Variants in NSFL1C observed in about 807,000 individuals in gnomAD.
NSFL1C encodes the protein NSFL1 cofactor p47.
A neutral mutation model predicts 43.1 loss-of-function variants in NSFL1C; 14 were observed. The ratio of observed to expected loss-of-function variants is 0.32; its 90% CI spans 0.21 to 0.51. The LOEUF is 0.51. Ranked by LOEUF, NSFL1C falls within the 20% of genes least tolerant of loss-of-function variation. The pLI, the probability that NSFL1C is intolerant of heterozygous loss-of-function variation, is 0.98. For synonymous variants in NSFL1C, 171 were observed against 183.5 expected (o/e 0.93, Z 0.55); for missense variants, 406 against 472.5 (o/e 0.86, Z 1.30).
intron 7 of NSFL1C, among the ~76,000 whole-genome samples, chr20:1,451,192 A>G (rs1049684029): frequency 1.3e-5 from 2 of 152,198 alleles, no homozygotes; most frequent in Admixed American, 1.3e-4. Context: ...CCCTTGATGC[A>G]GTAGATGAAA....
chr20:1,455,235 T>C (rs2090273378), intron 3 of NSFL1C, 103 bp from the exon 4 acceptor site: 1 of 1,318,216 alleles, frequency 7.6e-7, no homozygotes, highest in African/African-American at 1.4e-5. Flanking sequence ...GTACAATGCT[T>C]GTCTTTAAAG....
chr20:1,465,578 G>C (rs1391289474), intron 1 of NSFL1C, among the ~76,000 whole-genome samples: 1 of 152,156 alleles, frequency 6.6e-6, no homozygotes, highest in East Asian at 1.9e-4. Flanking sequence ...CTTATGTTTG[G>C]GGAGTAATTT....
chr20:1,462,527 C>CTT (rs5839910), intron 2 of NSFL1C, among the ~76,000 whole-genome samples: 18 of 145,292 alleles, frequency 1.2e-4, no homozygotes, highest in East Asian at 2.0e-4. Context: ...ACTTTTATGC[C>CTT]TTTTTTTTTT....
Position 1,455,079 on chromosome 20 carries a change from C to T in NSFL1C, c.332G>A (p.Arg111Lys), listed in dbSNP as rs1054024514. Reference sequence around the variant, plus strand: ...CACCAGCTCGTTGGGACTTTTCTTCCTGGGAGGGCCAACAATCTGCTGTCC... The same window carrying T: ...CACCAGCTCGTTGGGACTTTTCTTCTTGGGAGGGCCAACAATCTGCTGTCC... ...RSGQQIVGPP[R>K]KKSPNELVDD... Residue 111 changes from arginine to lysine, a missense_variant, in exon 4 of 9, where the codon AGG (arginine) becomes AAG (lysine). Transcript: ENST00000216879. 4 of 1,614,046 alleles carry T rather than the reference C, an allele frequency of 2.5e-6. No homozygotes were observed. The highest frequency in any genetic ancestry group is 1.3e-5 in the African/African-American group (1 of 74,910).
intron 7 of NSFL1C, 94 bp downstream of exon 7, chr20:1,452,399 A>T (rs2090199462): frequency 6.8e-7 from 1 of 1,477,244 alleles, no homozygotes; most frequent in Admixed American, 2.1e-5. Context: ...GTAAACAGTA[A>T]AGAGCTAATA....
At position 1,452,601 on chromosome 20, in the gene NSFL1C, G is replaced by C. The variant is rs1157662014; in HGVS notation, c.677C>G (p.Ala226Gly). 1.1e-5 allele frequency: 17 copies of C among 1,614,078 alleles called. No homozygotes were observed. The highest frequency in any genetic ancestry group is 1.4e-5 in the Non-Finnish European group (17 of 1,180,046). Residue 226 changes from alanine (A) to glycine (G), a missense_variant, in exon 7 of 9, where the codon GCT (alanine) becomes GGT (glycine). Coordinates refer to ENST00000216879, the MANE Select transcript of NSFL1C (RefSeq NM_016143.5). ...ATCCAAGTTCACCTGTCCACCGTGAGCTAGCCTCCGAAGCTCTGCTGGCAC... is the reference window on the plus strand; with the variant it reads ...ATCCAAGTTCACCTGTCCACCGTGACCTAGCCTCCGAAGCTCTGCTGGCAC... ...GEVPAELRRL[A>G]HGGQVNLDME...
At chr20:1,464,296 A>G (rs1199762263) in intron 2 of NSFL1C, 33 bp downstream of exon 2, 1 of 1,581,224 alleles carries the variant, frequency 6.3e-7, no homozygotes, top group Non-Finnish European at 8.7e-7. Context: ...TGCTGGAAAC[A>G]CTCATGTAGC....
rs1599954235 is a variant in NSFL1C at position 1,455,653 on chromosome 20, A to G, written c.279-521T>C. 32 of 779,310 alleles carry G rather than the reference A, an allele frequency of 4.1e-5. No homozygotes were observed. In the East Asian group the frequency reaches 7.8e-4, roughly 19 times the overall value. 48.3% of individuals were successfully genotyped at this position (779,310 alleles called of 1,614,324 possible). A position where few individuals can be genotyped will look rare whatever the true frequency, so the allele number is the denominator to read the frequency against. On this transcript the variant is annotated intron_variant, in intron 3 of 8. Coordinates refer to ENST00000216879, the MANE Select transcript of NSFL1C (RefSeq NM_016143.5). ...TATGTCCTGGGTAAGCCAGTGCACTACTCTGTGACTCACTTTCCTTGTCTT... is the reference window on the plus strand; with the variant it reads ...TATGTCCTGGGTAAGCCAGTGCACTGCTCTGTGACTCACTTTCCTTGTCTT...
Position 1,443,681 on chromosome 20 carries a change from G to A in NSFL1C, c.*68C>T. On this transcript the variant is annotated 3_prime_UTR_variant, in exon 9 of 9. Transcript: ENST00000216879. ...GTGTGCACAAGGGGGCAGGAGGGGC[G>A]ATCCCCATGGGGCATGGCCACTGGC... 9.6e-6 allele frequency: 15 copies of A among 1,554,896 alleles called. No homozygotes were observed. The highest frequency in any genetic ancestry group is 1.2e-5 in the Non-Finnish European group (14 of 1,131,046).
At chr20:1,445,911 G>C (rs1003237152) in intron 7 of NSFL1C, 81 bp from the exon 8 acceptor site, 8 of 1,448,906 alleles carry the variant, frequency 5.5e-6, no homozygotes, top group Non-Finnish European at 7.6e-6. Flanking sequence ...GACTGTTACT[G>C]AGCATTTGCA....
intron 1 of NSFL1C, among the ~76,000 whole-genome samples, chr20:1,464,637 C>T (rs1220057521): frequency 2.0e-5 from 3 of 152,152 alleles, no homozygotes; most frequent in Non-Finnish European, 2.9e-5. Flanking sequence ...GAAAAGAAGG[C>T]AGTAAGAATG....
chr20:1,455,891 G>A, intron 3 of NSFL1C: 1 of 662,124 alleles, frequency 1.5e-6, no homozygotes, highest in Non-Finnish European at 2.8e-6. Flanking sequence ...GGTACTGGAG[G>A]TCAGAGAAGC....
chr20:1,448,939 T>C (rs1248412268), intron 7 of NSFL1C, among the ~76,000 whole-genome samples: 1 of 152,196 alleles, frequency 6.6e-6, no homozygotes. Flanking sequence ...TCCTCATCAA[T>C]AAAACAGAGT....
At chr20:1,447,425 GT>G (rs112797476) in intron 7 of NSFL1C, among the ~76,000 whole-genome samples, 21,585 of 138,102 alleles carry the variant, frequency 0.16, 1,725 homozygotes, top group African/African-American at 0.25. Context: ...AATGTTATGA[GT>G]TTTTTTTTTT....
In NSFL1C at chr20:1,458,200, C is replaced by T. The variant is rs748182050; in HGVS notation, c.278G>A (p.Arg93Lys). ...CCCTGACCCCCTCTAGAAGACTCAC[C>T]TCTGGCCTTCCTCTTCCTCCTCATC... The part of the protein sequence containing the change: ...DEDEEEEEGQ[R>K]FYAGGSERSG... Residue 93 changes from arginine (R) to lysine (K), a missense_variant and splice_region_variant, in exon 3 of 9, where the codon AGG (arginine) becomes AAG (lysine). By Grantham distance (26) the Arg-to-Lys change is conservative. Around this residue, in one of 3 missense-constraint regions of NSFL1C, gnomAD observed 203 missense variants for 216.3 expected, o/e 0.94. Coordinates refer to ENST00000216879, the MANE Select transcript of NSFL1C (RefSeq NM_016143.5). The T allele has an allele frequency of 6.2e-7, 1 of 1,613,378 alleles. No individual in the cohort carries two copies. Among genetic ancestry groups the T allele is most frequent in the Non-Finnish European group, 8.5e-7 (1 of 1,179,370 alleles).
rs181375249 is a variant in NSFL1C at position 1,454,656 on chromosome 20, A to C, written c.444+311T>G. 2.1e-3 allele frequency among the ~76,000 whole-genome samples: 319 copies of C among 152,348 alleles called. 2 individuals carry two copies. Among genetic ancestry groups the C allele is most frequent in the African/African-American group, 7.4e-3 (308 of 41,576 alleles). On this transcript the variant is annotated intron_variant, in intron 4 of 8. Transcript: ENST00000216879. ...TTTCTCAAAGGAGACAGAAATCCCG[A>C]TTTTATATAAAACAGATGACTATTA...
chr20:1,462,079 C>T (rs913892561), intron 2 of NSFL1C, among the ~76,000 whole-genome samples: 1 of 152,100 alleles, frequency 6.6e-6, no homozygotes, highest in African/African-American at 2.4e-5. Context: ...TAGATTCCTC[C>T]TAGGGTTCTC....
chr20:1,456,204 G>A (rs966849732), intron 3 of NSFL1C: 3 of 160,638 alleles, frequency 1.9e-5, no homozygotes, highest in African/African-American at 7.2e-5. Flanking sequence ...TTTCAGGTCT[G>A]AAATGCTGAG....
intron 2 of NSFL1C, among the ~76,000 whole-genome samples, chr20:1,461,063 G>A (rs1046869371): frequency 6.6e-6 from 1 of 152,202 alleles, no homozygotes; most frequent in South Asian, 2.1e-4. Flanking sequence ...CCTGACCAGC[G>A]AAATGGTAAG....
Sources: gnomAD v4.1 joint callset for allele counts (sites outside exome capture counted in the v4.1 genomes callset) on GRCh38, gnomAD v4.1.1 for gene constraint, gnomAD v4.1.1 regional missense constraint, MANE v1.5 for transcripts, NCBI Gene and HGNC (gene_info 2026-07-23, HGNC 2026-07-21) for gene names.